The following SEC23IP variants were observed in gnomAD, a reference collection of about 807,000 sequenced individuals.
SEC23IP encodes SEC23-interacting protein.
SEC23IP carries 70 observed loss-of-function variants against 113.4 expected under a neutral mutation model. The ratio of observed to expected loss-of-function variants is 0.62; its 90% CI spans 0.51 to 0.75. The LOEUF (loss-of-function observed/expected upper bound fraction) is 0.75. SEC23IP is among the 30% of genes least tolerant of loss of function. SEC23IP has a pLI of 0.00. For missense variants in SEC23IP, 1,160 were observed against 1,204.9 expected (o/e 0.96, Z 0.55); for synonymous variants, 398 against 421.0 (o/e 0.95, Z 0.67).
chr10:119,916,544 G>A (rs1855059876), intron 8 of SEC23IP, among the ~76,000 whole-genome samples: 1 of 152,156 alleles, frequency 6.6e-6, no homozygotes, highest in South Asian at 2.1e-4. Flanking sequence ...TCTACAAACA[G>A]CGTTTTGTCT....
chr10:119,926,189 T>G lies in SEC23IP; in HGVS notation c.2275T>G (p.Cys759Gly). Reference protein sequence around the residue: ...LPVGACVSSVCVNYESFEVGA... With the variant: ...LPVGACVSSVGVNYESFEVGA... The stretch of plus-strand genomic sequence containing the variant: ...AGTTGGTGCTTGCGTGTCTTCTGTG[T>G]GTGTGAATTATGAATCTTTTGAAGT... The change falls in exon 13 of 19, where the codon TGT becomes GGT. Residue 759 changes from cysteine to glycine, a missense_variant. Physicochemically the swap from Cys to Gly is radical, Grantham distance 159. Coordinates refer to ENST00000369075, the MANE Select transcript of SEC23IP (RefSeq NM_007190.4). 6.2e-7 allele frequency: 1 copy of G among 1,614,122 alleles called. No homozygotes were observed. The highest frequency in any genetic ancestry group is 8.5e-7 in the Non-Finnish European group (1 of 1,179,988).
chr10:119,892,863 G>C lies in SEC23IP; in HGVS notation c.81G>C (p.Ser27=). 6.8e-6 allele frequency: 11 copies of C among 1,613,958 alleles called. No homozygotes were observed. Among genetic ancestry groups the C allele is most frequent in the Non-Finnish European group, 9.3e-6 (11 of 1,179,918 alleles). The part of the protein sequence containing the change: ...SSGTNLLFSS[S]ATEFSFNVPF... ...GCACTAACTTACTTTTCTCCTCCTC[G>C]GCCACGGAGTTCAGCTTCAATGTGC... The change falls in exon 1 of 19, where the codon TCG becomes TCC. Residue 27 remains serine (S), a synonymous_variant. Transcript: ENST00000369075.
rs778668450 is a variant in SEC23IP at position 119,942,801 on chromosome 10, A to G, written c.*2236A>G. 1 of 152,232 alleles carries G rather than the reference A, an allele frequency of 6.6e-6. No individual in the cohort carries two copies. Among genetic ancestry groups the G allele is most frequent in the Non-Finnish European group, 1.5e-5 (1 of 68,046 alleles). The allele number at this position is 152,232 out of a possible 1,614,324, so 9.4% of individuals were successfully genotyped here. On this transcript the variant is annotated 3_prime_UTR_variant, in exon 19 of 19. Coordinates refer to ENST00000369075, the MANE Select transcript of SEC23IP (RefSeq NM_007190.4). ...AACCTGCTTTCTAAGTCTGCTGGAC[A>G]CGCGTGCTTCTTGAATCCAACCAGA...
Position 119,942,768 on chromosome 10 carries a change from A to G in SEC23IP, c.*2203A>G, listed in dbSNP as rs1589858107. On this transcript the variant is annotated 3_prime_UTR_variant, in exon 19 of 19. Transcript: ENST00000369075. ...GTCAGCTATGTTAACGTGCTGTATG[A>G]CAAGAGGAACCTGCTTTCTAAGTCT... is the stretch of plus-strand genomic sequence containing the variant. The G allele has an allele frequency of 1.3e-5, 2 of 152,352 alleles. No individual in the cohort carries two copies. Among genetic ancestry groups the G allele is most frequent in the East Asian group, 3.9e-4 (2 of 5,190 alleles). The allele number at this position is 152,352 out of a possible 1,614,324, so 9.4% of individuals were successfully genotyped here.
intron 1 of SEC23IP, among the ~76,000 whole-genome samples, chr10:119,893,709 A>G (rs1854177452): frequency 6.6e-6 from 1 of 151,810 alleles, no homozygotes; most frequent in Admixed American, 6.6e-5. Flanking sequence ...TAGTAGAGAC[A>G]GGGTTCCACC....
At chr10:119,927,142 C>T (rs1855448759) in intron 13 of SEC23IP, among the ~76,000 whole-genome samples, 1 of 152,202 alleles carries the variant, frequency 6.6e-6, no homozygotes, top group East Asian at 1.9e-4. Context: ...AAGCAGTCTT[C>T]CTGACTTGGC....
At chr10:119,910,090 C>T (rs1027050163) in intron 5 of SEC23IP, among the ~76,000 whole-genome samples, 1 of 152,090 alleles carries the variant, frequency 6.6e-6, no homozygotes, top group Non-Finnish European at 1.5e-5. Context: ...AGCTCTGCCA[C>T]CGTGGTGTGA....
intron 17 of SEC23IP, among the ~76,000 whole-genome samples, chr10:119,933,400 C>T (rs1222043121): frequency 2.0e-5 from 3 of 152,156 alleles, no homozygotes; most frequent in African/African-American, 7.2e-5. Context: ...GTGGGAATGC[C>T]TTTCACAGTG....
chr10:119,897,965 A>T (rs1239817906), intron 1 of SEC23IP, among the ~76,000 whole-genome samples: 1 of 151,604 alleles, frequency 6.6e-6, no homozygotes, highest in Non-Finnish European at 1.5e-5. Context: ...AGATTGCGCC[A>T]CTGCACTCCA....
At position 119,933,133 on chromosome 10, in the gene SEC23IP, T is replaced by C. The variant is rs778967212; in HGVS notation, c.2887T>C (p.Tyr963His). ...AAAACCAATAGAGAGTTTTAATGAA[T>C]ACCTTTTCGCTCTTCAGAGTCACTT... ...QEKPIESFNE[Y>H]LFALQSHLCY... The change falls in exon 17 of 19, where the codon TAC becomes CAC. Residue 963 changes from tyrosine (Y) to histidine (H), a missense_variant. By Grantham distance (83) the Tyr-to-His change is moderately conservative (BLOSUM62 2). Transcript: ENST00000369075. 6.2e-7 allele frequency: 1 copy of C among 1,614,050 alleles called. No homozygotes were observed. The highest frequency in any genetic ancestry group is 1.7e-5 in the Admixed American group (1 of 60,016).
chr10:119,906,741 A>G (rs1854680995), intron 4 of SEC23IP, among the ~76,000 whole-genome samples: 1 of 151,484 alleles, frequency 6.6e-6, no homozygotes, highest in South Asian at 2.1e-4. Flanking sequence ...ATGCCCAGCT[A>G]ATTTTTGTAT....
chr10:119,941,538 G>C lies in SEC23IP; in HGVS notation c.*973G>C, dbSNP rs141449871. 4.6e-5 allele frequency: 7 copies of C among 152,546 alleles called. No homozygotes were observed. Among genetic ancestry groups the C allele is most frequent in the African/African-American group, 1.7e-4 (7 of 41,530 alleles). The allele number at this position is 152,546 out of a possible 1,614,324, so 9.4% of individuals were successfully genotyped here. A position where few individuals can be genotyped will look rare whatever the true frequency, so the allele number is the denominator to read the frequency against. On this transcript the variant is annotated 3_prime_UTR_variant, in exon 19 of 19. Coordinates refer to ENST00000369075, the MANE Select transcript of SEC23IP (RefSeq NM_007190.4). ...ATCACTTTGTTTTACTATAAATTCAGATTATCCAAATATTTTCCTAATACT... is the reference window on the plus strand; with the variant it reads ...ATCACTTTGTTTTACTATAAATTCACATTATCCAAATATTTTCCTAATACT...
Position 119,933,670 on chromosome 10 carries a change from C to G in SEC23IP, c.2922-16C>G, listed in dbSNP as rs755802712. The G allele has an allele frequency of 1.1e-5, 15 of 1,387,178 alleles. No individual in the cohort carries two copies. Among genetic ancestry groups the G allele is most frequent in the Non-Finnish European group, 1.5e-5 (15 of 975,662 alleles). 85.9% of individuals were successfully genotyped at this position (1,387,178 alleles called of 1,614,324 possible). On this transcript the variant is annotated splice_polypyrimidine_tract_variant and intron_variant, in intron 17 of 18. Coordinates refer to ENST00000369075, the MANE Select transcript of SEC23IP (RefSeq NM_007190.4). ...TCTAATTGTCTCTTAAGTAAATATG[C>G]TTTTCCTTTTCATAGGGAATCTGAA...
chr10:119,900,270 C>T (rs912093079), intron 2 of SEC23IP, among the ~76,000 whole-genome samples: 7 of 146,172 alleles, frequency 4.8e-5, no homozygotes, highest in Non-Finnish European at 9.1e-5. Flanking sequence ...TGTATATGTA[C>T]GTGTGTGTGT....
At chr10:119,903,051 G>A in intron 3 of SEC23IP, 42 bp downstream of exon 3, 2 of 1,434,738 alleles carry the variant, frequency 1.4e-6, no homozygotes, top group East Asian at 4.6e-5. Flanking sequence ...ATTTTAGGAA[G>A]AGAAGGAATG....
chr10:119,898,326 G>A (rs1854351919), intron 1 of SEC23IP, 101 bp from the exon 2 acceptor site: 2 of 1,358,094 alleles, frequency 1.5e-6, no homozygotes, highest in African/African-American at 1.5e-5. Flanking sequence ...CAAGTTTGAA[G>A]AACAAATAAG....
intron 12 of SEC23IP, 45 bp downstream of exon 12, chr10:119,921,029 G>T: frequency 7.3e-7 from 1 of 1,363,878 alleles, no homozygotes; most frequent in South Asian, 1.2e-5. Flanking sequence ...CTCATGGTGT[G>T]ACCAGCTCGT....
At chr10:119,919,673 C>T (rs1023771168) in intron 11 of SEC23IP, 77 bp downstream of exon 11, 31 of 1,205,738 alleles carry the variant, frequency 2.6e-5, no homozygotes, top group South Asian at 1.8e-5. Flanking sequence ...TAAACATTTT[C>T]GTATCAAAAT....
rs1855170689 is a variant in SEC23IP at position 119,919,487 on chromosome 10, T to C, written c.1916T>C (p.Leu639Pro). The C allele has an allele frequency of 1.2e-6, 2 of 1,613,114 alleles. No individual in the cohort carries two copies. Among genetic ancestry groups the C allele is most frequent in the South Asian group, 2.2e-5 (2 of 90,914 alleles). The change falls in exon 11 of 19, where the codon CTT becomes CCT. Residue 639 changes from leucine (L) to proline (P), a missense_variant. Leu to Pro is a moderately conservative substitution (Grantham distance 98, BLOSUM62 -3). Coordinates refer to ENST00000369075, the MANE Select transcript of SEC23IP (RefSeq NM_007190.4). ...CTGACTTTGGATGAGTCGTATGACC[T>C]TGTTGTTGAAAATAAAGAAGTCCTA... Reference protein sequence around the residue: ...PKLTLDESYDLVVENKEVLTL... With the variant: ...PKLTLDESYDPVVENKEVLTL...
Sources: gnomAD v4.1 joint callset for allele counts (sites outside exome capture counted in the v4.1 genomes callset) on GRCh38, gnomAD v4.1.1 for gene constraint, MANE v1.5 for transcripts, NCBI Gene and HGNC (gene_info 2026-07-23, HGNC 2026-07-21) for gene names.